Variants in KANK1 observed in about 807,000 individuals in gnomAD.
KANK1 encodes the protein KN motif and ankyrin repeat domains 1.
A neutral mutation model predicts 106.2 loss-of-function variants in KANK1; 109 were observed. The observed-to-expected ratio is 1.03, with a 90% CI of 0.88 to 1.20. KANK1 has a LOEUF of 1.20. Ranked by LOEUF, KANK1 falls within the 50% of genes most tolerant of loss-of-function variation. KANK1 has a pLI of 0.00. For missense variants in KANK1, 2,399 were observed against 1,710.7 expected, an observed-to-expected ratio of 1.40 and a Z score of -7.10; for synonymous variants, 873 against 652.2, an observed-to-expected ratio of 1.34 and a Z score of -5.16.
intron 1 of KANK1, chr9:660,124 T>TTA (rs1360244121): frequency 1.2e-5 from 5 of 409,504 alleles, no homozygotes; most frequent in Non-Finnish European, 2.4e-5. Context: ...CCCTTACTAC[T>TTA]GTCCAAGGGA....
upstream of KANK1, among the ~76,000 whole-genome samples, chr9:501,899 A>G (rs568507100): frequency 3.9e-5 from 6 of 152,280 alleles, no homozygotes; most frequent in African/African-American, 1.4e-4. Flanking sequence ...ATGTTTGACA[A>G]TCTTTCGCAT....
chr9:593,231 G>GCCT (rs1825406134), intron 1 of KANK1, among the ~76,000 whole-genome samples: 2 of 151,632 alleles, frequency 1.3e-5, no homozygotes, highest in African/African-American at 4.9e-5. Flanking sequence ...GGAAAATATG[G>GCCT]ATTATTATTC....
intron 2 of KANK1, among the ~76,000 whole-genome samples, chr9:472,431 A>G (rs1326916458): frequency 6.6e-6 from 1 of 152,190 alleles, no homozygotes; most frequent in East Asian, 1.9e-4. Context: ...GCACCAGAAG[A>G]GCTCTCTCAG....
At chr9:507,242 C>G (rs1035832080) in intron 1 of KANK1, among the ~76,000 whole-genome samples, 16 of 151,788 alleles carry the variant, frequency 1.1e-4, no homozygotes, top group Non-Finnish European at 1.3e-4. Flanking sequence ...GTAGTCCCAG[C>G]TACTTGGGAG....
intron 2 of KANK1, among the ~76,000 whole-genome samples, chr9:681,350 T>C (rs1817519227): frequency 6.6e-6 from 1 of 152,186 alleles, no homozygotes; most frequent in Non-Finnish European, 1.5e-5. Flanking sequence ...TAAATGGTGA[T>C]TGTTGGTTAG....
chr9:501,905 C>G (rs1454429411), upstream of KANK1, among the ~76,000 whole-genome samples: 1 of 152,104 alleles, frequency 6.6e-6, no homozygotes, highest in Non-Finnish European at 1.5e-5. Flanking sequence ...GACAATCTTT[C>G]GCATGTTATA....
At position 614,923 on chromosome 9, in the gene KANK1, T is replaced by A. The variant is rs11792645; in HGVS notation, c.-83-61967T>A. ...TACAATTCTTAATATAGTACAAAAT[T>A]GTACATATATAATTTTATGGTACCC... On this transcript the variant is annotated intron_variant, in intron 1 of 11. Transcript: ENST00000382297. Among the ~76,000 whole-genome samples, 10 of 152,120 alleles carry A rather than the reference T, an allele frequency of 6.6e-5. No homozygotes were observed. In the East Asian group the frequency reaches 1.7e-3, roughly 26 times the overall value.
At chr9:684,500 C>G (rs1216322146) in intron 2 of KANK1, 16 of 985,306 alleles carry the variant, frequency 1.6e-5, no homozygotes, top group Non-Finnish European at 1.8e-5. Flanking sequence ...GGTAGCCAGT[C>G]AAAGGGTTAA....
chr9:716,614 A>T (rs1827771681), intron 3 of KANK1, among the ~76,000 whole-genome samples: 1 of 152,168 alleles, frequency 6.6e-6, no homozygotes, highest in Admixed American at 6.5e-5. Flanking sequence ...TTAGCGGCCA[A>T]TCCATAGAAT....
At chr9:666,718 G>A (rs1402178655) in intron 1 of KANK1, among the ~76,000 whole-genome samples, 1 of 151,934 alleles carries the variant, frequency 6.6e-6, no homozygotes, top group Non-Finnish European at 1.5e-5. Flanking sequence ...TTTGTTCTTG[G>A]TTCTGTTAAT....
intron 1 of KANK1, among the ~76,000 whole-genome samples, chr9:647,555 C>G (rs1013733807): frequency 6.6e-6 from 1 of 150,642 alleles, no homozygotes; most frequent in Non-Finnish European, 1.5e-5. Context: ...TATTTAATCC[C>G]CACTCTTTTT....
chr9:614,762 G>C (rs887569988), intron 1 of KANK1, among the ~76,000 whole-genome samples: 9 of 151,876 alleles, frequency 5.9e-5, no homozygotes, highest in African/African-American at 2.2e-4. Flanking sequence ...TGGGCCTTGT[G>C]GATTTAGTGA....
At chr9:696,996 G>T (rs1025106710) in intron 2 of KANK1, among the ~76,000 whole-genome samples, 1 of 151,972 alleles carries the variant, frequency 6.6e-6, no homozygotes, top group African/African-American at 2.4e-5. Context: ...AATTTTAATC[G>T]TACATAAAAA....
rs1481337282 is a variant in KANK1 at position 631,925 on chromosome 9, G to A, written c.-83-44965G>A. On this transcript the variant is annotated intron_variant, in intron 1 of 11. Coordinates refer to ENST00000382297, the MANE Select transcript of KANK1 (RefSeq NM_015158.5). Reference sequence around the variant, plus strand: ...GGTTATCTACCGCTGTGGCTCTATAGCTCTCAGCTCACACCAATAGGATAA... The same window carrying A: ...GGTTATCTACCGCTGTGGCTCTATAACTCTCAGCTCACACCAATAGGATAA... Among the ~76,000 whole-genome samples, 4 of 152,086 alleles carry A rather than the reference G, an allele frequency of 2.6e-5. No homozygotes were observed. In the East Asian group the frequency reaches 7.7e-4, roughly 29 times the overall value.
chr9:628,253 C>T (rs1203737235), intron 1 of KANK1, among the ~76,000 whole-genome samples: 1 of 152,164 alleles, frequency 6.6e-6, no homozygotes, highest in Non-Finnish European at 1.5e-5. Flanking sequence ...TCTTGATTGA[C>T]TCTGCCTGTC....
intron 1 of KANK1, among the ~76,000 whole-genome samples, chr9:509,216 G>A (rs1415625861): frequency 6.6e-6 from 1 of 152,128 alleles, no homozygotes; most frequent in Non-Finnish European, 1.5e-5. Context: ...TCCTGCCTCA[G>A]CCTCCCGATT....
At chr9:581,047 C>A (rs1478668062) in intron 1 of KANK1, among the ~76,000 whole-genome samples, 1 of 151,878 alleles carries the variant, frequency 6.6e-6, no homozygotes, top group Non-Finnish European at 1.5e-5. Context: ...GGGCCGGCCG[C>A]TCCAAGTGTG....
At chr9:700,606 G>A (rs193277424) in intron 2 of KANK1, among the ~76,000 whole-genome samples, 33 of 152,252 alleles carry the variant, frequency 2.2e-4, no homozygotes, top group African/African-American at 7.2e-4. Flanking sequence ...CTTACACTCT[G>A]GGGCTTTTAA....
intron 3 of KANK1, among the ~76,000 whole-genome samples, chr9:728,412 G>A (rs1831321497): frequency 6.6e-6 from 1 of 152,174 alleles, no homozygotes. Context: ...TGACCAGGCT[G>A]GTCTCGGACT....
Sources: allele counts gnomAD v4.1 joint callset (sites outside exome capture counted in the v4.1 genomes callset), GRCh38; gene constraint gnomAD v4.1.1; transcripts MANE v1.5; gene names NCBI Gene and HGNC (gene_info 2026-07-23, HGNC 2026-07-21).